Variants in MORN1 observed in about 807,000 individuals in gnomAD.
MORN1 encodes MORN repeat containing 1, also known as MORN repeat-containing protein 1.
MORN1 carries 67 observed loss-of-function variants against 61.9 expected under a neutral mutation model. The observed-to-expected ratio is 1.08, with a 90% confidence interval of 0.89 to 1.33. The LOEUF (loss-of-function observed/expected upper bound fraction) is 1.33, where lower values mean the gene tolerates loss of function less well. Among genes scored for constraint, MORN1 ranks in the 40% most tolerant of loss-of-function variants. The probability of loss-of-function intolerance (pLI) is 0.00; values close to 1 mark genes in which losing one functional copy is unlikely to be tolerated. For synonymous variants in MORN1, 301 were observed against 292.0 expected (o/e 1.03, Z -0.31); for missense variants, 752 against 691.2 (o/e 1.09, Z -0.99).
At chr1:2,322,599 C>G (rs1321626579) in intron 13 of MORN1, 1 of 985,226 alleles carries the variant, frequency 1.0e-6, no homozygotes, top group African/African-American at 1.7e-5. Flanking sequence ...CAGGGGGACA[C>G]ACGTTCTGCA....
At chr1:2,347,939 A>C (rs745357006) in intron 10 of MORN1, among the ~76,000 whole-genome samples, 11 of 152,344 alleles carry the variant, frequency 7.2e-5, no homozygotes, top group Admixed American at 2.6e-4. Flanking sequence ...CACATCCTCG[A>C]GTGCATTTTA....
intron 10 of MORN1, among the ~76,000 whole-genome samples, chr1:2,343,091 G>A (rs184142794): frequency 6.6e-6 from 1 of 152,022 alleles, no homozygotes; most frequent in Non-Finnish European, 1.5e-5. Flanking sequence ...TCCATCTCCA[G>A]TAGCCTCCAT....
intron 10 of MORN1, among the ~76,000 whole-genome samples, chr1:2,343,563 C>T (rs1473446821): frequency 1.3e-5 from 2 of 152,144 alleles, no homozygotes; most frequent in Non-Finnish European, 2.9e-5. Flanking sequence ...TCCGGGGCTC[C>T]CTGCGGCTGC....
intron 10 of MORN1, among the ~76,000 whole-genome samples, chr1:2,349,335 G>C (rs1641598842): frequency 6.6e-6 from 1 of 152,170 alleles, no homozygotes; most frequent in South Asian, 2.1e-4. Context: ...CCACCCGCCT[G>C]CCGACCAAAG....
At chr1:2,363,785 A>AAAAC (rs4013730) in intron 8 of MORN1, among the ~76,000 whole-genome samples, 2,457 of 130,676 alleles carry the variant, frequency 0.019, 72 homozygotes, top group South Asian at 0.085. Flanking sequence ...ATCAGTTAGA[A>AAAAC]AAACAAACAA....
At chr1:2,355,290 G>A in intron 10 of MORN1, 2 of 1,449,486 alleles carry the variant, frequency 1.4e-6, no homozygotes, top group South Asian at 1.5e-5. Context: ...CCCCCCGTGG[G>A]CCTGTTGGCC....
At chr1:2,391,119 C>A (rs1022320365) in intron 1 of MORN1, among the ~76,000 whole-genome samples, 3 of 152,054 alleles carry the variant, frequency 2.0e-5, no homozygotes, top group Non-Finnish European at 4.4e-5. Context: ...GCCCTCGCCC[C>A]AAGTCCTGGG....
At chr1:2,349,908 A>G (rs58965274) in intron 10 of MORN1, among the ~76,000 whole-genome samples, 5,618 of 152,328 alleles carry the variant, frequency 0.037, 340 homozygotes, top group African/African-American at 0.12. Context: ...AGAAGAAAAG[A>G]AAAGCAACCT....
At chr1:2,368,112 A>G (rs544491864) in intron 8 of MORN1, among the ~76,000 whole-genome samples, 22 of 152,328 alleles carry the variant, frequency 1.4e-4, no homozygotes, top group Admixed American at 1.2e-3. Context: ...CTGCCCACAA[A>G]ATGGAAAAAT....
intron 6 of MORN1, among the ~76,000 whole-genome samples, chr1:2,380,959 C>T (rs569809210): frequency 4.2e-4 from 64 of 152,238 alleles, no homozygotes; most frequent in African/African-American, 1.4e-3. Context: ...GCCTGACCCC[C>T]GTCTCTGGCG....
At chr1:2,323,674 G>T (rs924392776) in intron 13 of MORN1, 1 of 985,102 alleles carries the variant, frequency 1.0e-6, no homozygotes, top group African/African-American at 1.7e-5. Context: ...ACGCTGGGAG[G>T]AGCCTTCCGC....
At chr1:2,367,430 G>T (rs1253113108) in intron 8 of MORN1, among the ~76,000 whole-genome samples, 1 of 150,484 alleles carries the variant, frequency 6.6e-6, no homozygotes, top group African/African-American at 2.4e-5. Flanking sequence ...GACCAGCCTG[G>T]GCAACATAGT....
chr1:2,348,725 G>GCACACACGCACA lies in MORN1; in HGVS notation c.1036+8706_1036+8707insTGTGCGTGTGTG, dbSNP rs778268074. Among the ~76,000 whole-genome samples, 3 of 133,418 alleles carry GCACACACGCACA rather than the reference G, an allele frequency of 2.2e-5. 1 individual carries two copies. Among genetic ancestry groups the GCACACACGCACA allele is most frequent in the African/African-American group, 8.6e-5 (3 of 34,944 alleles). 87.5% of individuals were successfully genotyped at this position (133,418 alleles called of 152,430 possible). A position where few individuals can be genotyped will look rare whatever the true frequency, so the allele number is the denominator to read the frequency against. Reference sequence around the variant, plus strand: ...CGCACACGCACACCTGCGCGGGCACGCACACGCACACCTGCGCGGGCACGC... The same window carrying GCACACACGCACA: ...CGCACACGCACACCTGCGCGGGCACGCACACACGCACACACACGCACACCTGCGCGGGCACGC... On this transcript the variant is annotated intron_variant, in intron 10 of 13. Coordinates refer to ENST00000378531, the MANE Select transcript of MORN1 (RefSeq NM_024848.3).
intron 8 of MORN1, among the ~76,000 whole-genome samples, chr1:2,363,805 C>CAAACAAACAAAA (rs140866260): frequency 2.0e-4 from 25 of 124,850 alleles, no homozygotes; most frequent in Non-Finnish European, 3.6e-4. Flanking sequence ...AACAAACAAA[C>CAAACAAACAAAA]AAAAAAATAT....
intron 1 of MORN1, among the ~76,000 whole-genome samples, chr1:2,391,131 T>G (rs1642647962): frequency 6.6e-6 from 1 of 152,190 alleles, no homozygotes; most frequent in Non-Finnish European, 1.5e-5. Context: ...AGTCCTGGGC[T>G]TCGGGATCCC....
intron 12 of MORN1, among the ~76,000 whole-genome samples, chr1:2,333,306 GGGACCCAGCAGCCGGGTCAGCCCC>G: frequency 1.3e-5 from 2 of 152,322 alleles, no homozygotes; most frequent in Middle Eastern, 6.8e-3. Context: ...GATGCCAGCT[GGGACCCAGCAGCCGGGTCAGCCCC>G]GGGCCCAGCT....
At chr1:2,322,572 G>C in intron 13 of MORN1, 2 of 985,262 alleles carry the variant, frequency 2.0e-6, no homozygotes, top group Non-Finnish European at 2.4e-6. Context: ...AAAAAACACG[G>C]TTCTGGGGGG....
At position 2,372,646 on chromosome 1, in the gene MORN1, C is replaced by T; in HGVS notation, c.635-55G>A. On this transcript the variant is annotated intron_variant, in intron 7 of 13. Transcript: ENST00000378531. The surrounding 1 kb of genome is among the most constrained non-coding windows in gnomAD (Gnocchi z 5.4). ...GTGACTGGCATGGTCCCCCACCCACCCCATGGCTGAGTCAGCAGTGGGCAC... is the reference window on the plus strand; with the variant it reads ...GTGACTGGCATGGTCCCCCACCCACTCCATGGCTGAGTCAGCAGTGGGCAC... 7.0e-7 allele frequency: 1 copy of T among 1,432,884 alleles called. No homozygotes were observed. The highest frequency in any genetic ancestry group is 9.6e-7 in the Non-Finnish European group (1 of 1,037,026). The allele number at this position is 1,432,884 out of a possible 1,614,324, so 88.8% of individuals were successfully genotyped here. A position where few individuals can be genotyped will look rare whatever the true frequency, so the allele number is the denominator to read the frequency against.
chr1:2,343,015 G>C (rs897952070), intron 10 of MORN1, among the ~76,000 whole-genome samples: 2 of 151,922 alleles, frequency 1.3e-5, no homozygotes, highest in South Asian at 4.2e-4. Context: ...CTGGGATCAC[G>C]GGCGTGGCCC....
Sources: gnomAD v4.1 joint callset for allele counts (sites outside exome capture counted in the v4.1 genomes callset) on GRCh38, gnomAD v4.1.1 for gene constraint, Gnocchi (gnomAD v3.1) non-coding constraint, MANE v1.5 for transcripts, NCBI Gene and HGNC (gene_info 2026-07-23, HGNC 2026-07-21) for gene names.